ITPR2: variants seen among roughly 807,000 people sequenced by gnomAD.
The protein encoded by ITPR2 is inositol 1,4,5-trisphosphate-gated calcium channel ITPR2.
ITPR2 carries 207 observed loss-of-function variants against 317.1 expected under a neutral mutation model. The observed-to-expected ratio is 0.65, with a 90% confidence interval of 0.58 to 0.73. The LOEUF is 0.73. Among genes scored for constraint, ITPR2 ranks in the 30% least tolerant of loss-of-function variants. The probability of loss-of-function intolerance (pLI) is 0.00; values close to 1 mark genes in which losing one functional copy is unlikely to be tolerated. For missense variants in ITPR2, 2,613 were observed against 3,284.0 expected (o/e 0.80, Z 4.99); for synonymous variants, 1,156 against 1,149.1 (o/e 1.01, Z -0.12).
In ITPR2 at chr12:26,411,897, A is replaced by G. The variant is rs189536169; in HGVS notation, c.7307-485T>C. ...GCATCATATGCCTTGGGGAGCAAAA[A>G]TCTTCTGCCAGATCTGTGTTCAGGA... On this transcript the variant is annotated intron_variant, in intron 51 of 56. Coordinates refer to ENST00000381340, the MANE Select transcript of ITPR2 (RefSeq NM_002223.4). Among the ~76,000 whole-genome samples, 46 of 152,176 alleles carry G rather than the reference A, an allele frequency of 3.0e-4. 1 individual carries two copies. The highest frequency in any genetic ancestry group is 1.0e-3 in the African/African-American group (42 of 41,512).
At chr12:26,465,198 G>A (rs1446887340) in intron 45 of ITPR2, among the ~76,000 whole-genome samples, 2 of 152,220 alleles carry the variant, frequency 1.3e-5, no homozygotes, top group African/African-American at 2.4e-5. Flanking sequence ...GAAGCAGAAC[G>A]AAAGATCAGG....
chr12:26,688,195 A>G (rs1948165526), intron 10 of ITPR2, among the ~76,000 whole-genome samples: 1 of 152,026 alleles, frequency 6.6e-6, no homozygotes, highest in Non-Finnish European at 1.5e-5. Context: ...GCCACCACAC[A>G]CCACATCAAC....
chr12:26,369,591 T>C (rs1939122438), intron 55 of ITPR2, among the ~76,000 whole-genome samples: 1 of 152,232 alleles, frequency 6.6e-6, no homozygotes, highest in African/African-American at 2.4e-5. Flanking sequence ...CAAATGAATG[T>C]GCAGAAAAAT....
chr12:26,384,378 A>G (rs960374263), intron 55 of ITPR2, among the ~76,000 whole-genome samples: 4 of 152,162 alleles, frequency 2.6e-5, no homozygotes, highest in African/African-American at 9.7e-5. Flanking sequence ...ACCTGAGTTA[A>G]TATCACTCTT....
chr12:26,451,675 T>C (rs1466023493), intron 45 of ITPR2, among the ~76,000 whole-genome samples: 1 of 152,096 alleles, frequency 6.6e-6, no homozygotes, highest in African/African-American at 2.4e-5. Flanking sequence ...AACAAACTTC[T>C]CCTAATTTCA....
chr12:26,722,266 G>T (rs2137044364), intron 5 of ITPR2, 131 bp downstream of exon 5: 1 of 683,488 alleles, frequency 1.5e-6, no homozygotes, highest in Non-Finnish European at 2.4e-6. Context: ...TAACCTAGTA[G>T]ATACTAACAT....
At chr12:26,799,148 C>T (rs1950510225) in intron 1 of ITPR2, among the ~76,000 whole-genome samples, 1 of 152,176 alleles carries the variant, frequency 6.6e-6, no homozygotes, top group Admixed American at 6.5e-5. Context: ...ATTTCTAAAA[C>T]TGGTTTCACT....
intron 37 of ITPR2, among the ~76,000 whole-genome samples, chr12:26,542,895 T>C (rs1944298223): frequency 6.6e-6 from 1 of 152,188 alleles, no homozygotes; most frequent in Non-Finnish European, 1.5e-5. Flanking sequence ...AACTGTAAAT[T>C]ACCATTTCCA....
chr12:26,707,528 A>C (rs1160641700), intron 9 of ITPR2, among the ~76,000 whole-genome samples: 1 of 152,008 alleles, frequency 6.6e-6, no homozygotes, highest in Admixed American at 6.6e-5. Context: ...AACCTGGGCT[A>C]TTTTATTTTA....
chr12:26,608,192 T>G (rs10743587), intron 26 of ITPR2, among the ~76,000 whole-genome samples: 104,933 of 152,110 alleles, frequency 0.69, 36,670 homozygotes, highest in East Asian at 0.95. Context: ...TAGTATTTGA[T>G]AATGTTTAAC....
intron 26 of ITPR2, among the ~76,000 whole-genome samples, chr12:26,603,734 G>A (rs1182665503): frequency 3.3e-5 from 5 of 152,190 alleles, no homozygotes; most frequent in African/African-American, 4.8e-5. Flanking sequence ...TAGGCATAAA[G>A]GATGTTTAAA....
intron 39 of ITPR2, among the ~76,000 whole-genome samples, chr12:26,490,816 GAACA>G (rs1395903623): frequency 2.6e-5 from 4 of 152,060 alleles, no homozygotes; most frequent in African/African-American, 4.8e-5. Flanking sequence ...TCCATCTCAA[GAACA>G]AACAAACAAG....
At chr12:26,339,629 T>TA (rs397741671) in intron 56 of ITPR2, 146 bp from the exon 57 acceptor site, 16 of 631,536 alleles carry the variant, frequency 2.5e-5, no homozygotes, top group Non-Finnish European at 4.1e-5. Context: ...GGGATTTTTT[T>TA]AAAAGTGAAT....
chr12:26,400,763 C>T (rs1010959693), intron 52 of ITPR2: 9 of 152,286 alleles, frequency 5.9e-5, no homozygotes, highest in Admixed American at 5.2e-4. Context: ...CCACGTTACC[C>T]AGGAGGCAAA....
At chr12:26,830,037 G>A (rs1336056784) in intron 1 of ITPR2, among the ~76,000 whole-genome samples, 1 of 152,172 alleles carries the variant, frequency 6.6e-6, no homozygotes, top group African/African-American at 2.4e-5. Context: ...CCGAGTAGCT[G>A]GGACTACAGG....
chr12:26,361,023 G>A (rs1938811754), intron 55 of ITPR2, among the ~76,000 whole-genome samples: 1 of 151,976 alleles, frequency 6.6e-6, no homozygotes, highest in South Asian at 2.1e-4. Context: ...AGACCAGCCT[G>A]GCCAACATAG....
At chr12:26,747,282 G>A (rs1006931661) in intron 2 of ITPR2, among the ~76,000 whole-genome samples, 10 of 152,018 alleles carry the variant, frequency 6.6e-5, no homozygotes, top group Admixed American at 3.3e-4. Context: ...TGAAAATGCC[G>A]GTAATCACTT....
At chr12:26,782,034 G>GAGAGAGAGA (rs1950101787) in intron 2 of ITPR2, among the ~76,000 whole-genome samples, 1 of 45,410 alleles carries the variant, frequency 2.2e-5, no homozygotes, top group African/African-American at 8.6e-5. Context: ...ATATATATAT[G>GAGAGAGAGA]TATAGAGAGA....
At chr12:26,645,587 T>G (rs149544436) in intron 21 of ITPR2, among the ~76,000 whole-genome samples, 112 of 152,338 alleles carry the variant, frequency 7.4e-4, no homozygotes, top group African/African-American at 2.4e-3. Context: ...TCAAGAAGAA[T>G]AAGCTTGAAT....
Sources: allele counts gnomAD v4.1 joint callset (sites outside exome capture counted in the v4.1 genomes callset), GRCh38; gene constraint gnomAD v4.1.1; transcripts MANE v1.5; gene names NCBI Gene and HGNC (gene_info 2026-07-23, HGNC 2026-07-21).